The following C2CD3 variants were observed in gnomAD, a reference collection of about 807,000 sequenced individuals.
The protein encoded by C2CD3 is C2 domain-containing protein 3.
C2CD3 carries 148 observed loss-of-function variants against 234.0 expected under a neutral mutation model. That is an observed-to-expected ratio of 0.63 (90% CI 0.55 to 0.72). The LOEUF (loss-of-function observed/expected upper bound fraction) is 0.72, where lower values mean the gene tolerates loss of function less well. C2CD3 is among the 30% of genes least tolerant of loss of function. The pLI, the probability that C2CD3 is intolerant of heterozygous loss-of-function variation, is 0.00. For missense variants in C2CD3, 2,577 were observed against 2,811.5 expected (o/e 0.92, Z 1.89); for synonymous variants, 1,000 against 1,035.4 (o/e 0.97, Z 0.66).
chr11:74,161,535 T>C lies in C2CD3; in HGVS notation c.347A>G (p.Glu116Gly), dbSNP rs1384237300. 2 of 1,585,716 alleles carry C rather than the reference T, an allele frequency of 1.3e-6. No homozygotes were observed. The highest frequency in any genetic ancestry group is 1.7e-6 in the Non-Finnish European group (2 of 1,168,184). Residue 116 changes from glutamate to glycine, a missense_variant, in exon 3 of 33, where the codon GAA becomes GGA. Coordinates refer to ENST00000334126, the MANE Select transcript of C2CD3 (RefSeq NM_001286577.2). The stretch of plus-strand genomic sequence containing the variant: ...AAGACCATCAAGTTTGGTGATTACT[T>C]CCAGCACCAGCACAGCCATATCTAA... ...YLTDMAVLVL[E>G]VITKLDGLPI...
intron 24 of C2CD3, among the ~76,000 whole-genome samples, chr11:74,068,481 T>G (rs939586031): frequency 1.3e-5 from 2 of 152,136 alleles, no homozygotes; most frequent in South Asian, 4.1e-4. Context: ...TGCCCAGGGT[T>G]AGAGAGAGGA....
intron 28 of C2CD3, among the ~76,000 whole-genome samples, chr11:74,047,573 T>A (rs983178775): frequency 6.6e-6 from 1 of 152,234 alleles, no homozygotes; most frequent in African/African-American, 2.4e-5. Context: ...ATGATATTAG[T>A]GTCTTCTTGG....
At position 74,032,414 on chromosome 11, in the gene C2CD3, G is replaced by A. The variant is rs1022949467; in HGVS notation, c.6809+937C>T. ...GGCTACAGGTGTGAAGGCTGTAGAT[G>A]GTCCTAAGTGGTTTCCTTTCCCCAT... is the stretch of plus-strand genomic sequence containing the variant. On this transcript the variant is annotated intron_variant, in intron 31 of 32. Transcript: ENST00000334126. Among the ~76,000 whole-genome samples the A allele has an allele frequency of 5.3e-5, 8 of 152,148 alleles. No homozygotes were observed. In the East Asian group the frequency reaches 1.2e-3, roughly 22 times the overall value.
At position 74,150,264 on chromosome 11, in the gene C2CD3, G is replaced by A. The variant is rs537140737; in HGVS notation, c.484-10436C>T. Among the ~76,000 whole-genome samples the A allele has an allele frequency of 1.3e-4, 19 of 151,360 alleles. No homozygotes were observed. The East Asian group carries it at 3.3e-3, about 26-fold the overall frequency. On this transcript the variant is annotated intron_variant, in intron 3 of 32. Transcript: ENST00000334126. Reference sequence around the variant, plus strand: ...AGGCGAGGCAGGTGGATCACTTCAAGCCAGGAGTTTGAAACCAGCCTGGCC... The same window carrying A: ...AGGCGAGGCAGGTGGATCACTTCAAACCAGGAGTTTGAAACCAGCCTGGCC...
Position 74,074,224 on chromosome 11 carries a change from A to G in C2CD3, c.4951+29T>C, listed in dbSNP as rs1003467619. Reference sequence around the variant, plus strand: ...AGGAGCACACCCTGAAGAGTTAGACATGCTCCTGGGTAGGTGAGGAGAGCA... The same window carrying G: ...AGGAGCACACCCTGAAGAGTTAGACGTGCTCCTGGGTAGGTGAGGAGAGCA... On this transcript the variant is annotated intron_variant, in intron 24 of 32. Transcript: ENST00000334126. 1.7e-5 allele frequency: 26 copies of G among 1,503,202 alleles called. No homozygotes were observed. In the East Asian group the frequency reaches 5.9e-4, roughly 34 times the overall value. The allele number at this position is 1,503,202 out of a possible 1,614,324, so 93.1% of individuals were successfully genotyped here.
intron 2 of C2CD3, chr11:74,164,674 T>C (rs1358777168): frequency 1.3e-5 from 2 of 152,220 alleles, no homozygotes; most frequent in African/African-American, 2.4e-5. Context: ...CAAAAAGTTA[T>C]GAAGATTTAA....
chr11:74,084,252 T>C (rs1565273019), intron 22 of C2CD3, among the ~76,000 whole-genome samples: 1 of 151,864 alleles, frequency 6.6e-6, no homozygotes, highest in Non-Finnish European at 1.5e-5. Context: ...ATGAGAACAC[T>C]TGGACACACG....
At chr11:74,116,836 A>ATATATACACGTGTATGTG (rs1956951137) in intron 9 of C2CD3, among the ~76,000 whole-genome samples, 2 of 143,764 alleles carry the variant, frequency 1.4e-5, no homozygotes, top group African/African-American at 5.1e-5. Flanking sequence ...ACGTGTGTGT[A>ATATATACACGTGTATGTG]TATATACACG....
At chr11:74,103,080 T>C (rs769096146) in intron 14 of C2CD3, 51 bp downstream of exon 14, 1 of 1,512,396 alleles carries the variant, frequency 6.6e-7, no homozygotes, top group Admixed American at 2.1e-5. Context: ...TGGGAGGCAT[T>C]TGTCTCTCAC....
intron 7 of C2CD3, among the ~76,000 whole-genome samples, chr11:74,130,375 G>A (rs1957624330): frequency 6.6e-6 from 1 of 152,066 alleles, no homozygotes; most frequent in South Asian, 2.1e-4. Context: ...ACAGTCATAT[G>A]CCACCATACC....
rs907829026 is a variant in C2CD3 at position 74,049,248 on chromosome 11, T to C, written c.5361+89A>G. The C allele has an allele frequency of 5.5e-6, 6 of 1,087,196 alleles. No individual in the cohort carries two copies. In the African/African-American group the frequency reaches 9.3e-5, roughly 17 times the overall value. 67.3% of individuals were successfully genotyped at this position (1,087,196 alleles called of 1,614,324 possible). On this transcript the variant is annotated intron_variant, in intron 27 of 32. Coordinates refer to ENST00000334126, the MANE Select transcript of C2CD3 (RefSeq NM_001286577.2). ...CACATATAGTATATAACGTATTCTA[T>C]AAGCCGGAGAGTGCCAAACATGAGT...
chr11:74,020,726 T>C (rs1436988901), intron 32 of C2CD3, among the ~76,000 whole-genome samples: 1 of 152,188 alleles, frequency 6.6e-6, no homozygotes, highest in Non-Finnish European at 1.5e-5. Context: ...GCTTTGCACA[T>C]TTGTTAAAAG....
chr11:74,116,844 ACG>A (rs1491294469), intron 9 of C2CD3, among the ~76,000 whole-genome samples: 8 of 142,284 alleles, frequency 5.6e-5, no homozygotes, highest in African/African-American at 2.1e-4. Flanking sequence ...GTATATATAC[ACG>A]TGTATATGTG....
chr11:74,077,134 C>G (rs1389442433), intron 23 of C2CD3, among the ~76,000 whole-genome samples: 2 of 151,822 alleles, frequency 1.3e-5, no homozygotes, highest in Non-Finnish European at 2.9e-5. Context: ...TTTATGGTTC[C>G]AAGATGTGGT....
At chr11:74,110,676 G>GA (rs1026560904) in intron 11 of C2CD3, 1 of 152,178 alleles carries the variant, frequency 6.6e-6, no homozygotes, top group African/African-American at 2.4e-5. Flanking sequence ...GTATGTTCTT[G>GA]CACTGTTACT....
At chr11:74,043,745 T>A (rs1028579416) in intron 28 of C2CD3, among the ~76,000 whole-genome samples, 3 of 152,210 alleles carry the variant, frequency 2.0e-5, no homozygotes, top group Admixed American at 2.0e-4. Flanking sequence ...CATTTGTATA[T>A]CTTTTTTTGA....
chr11:74,035,199 T>C (rs1952679259), intron 30 of C2CD3, among the ~76,000 whole-genome samples: 1 of 152,210 alleles, frequency 6.6e-6, no homozygotes, highest in Non-Finnish European at 1.5e-5. Flanking sequence ...TATTATACAC[T>C]GATGATTTTC....
Position 74,034,195 on chromosome 11 carries a change from G to A in C2CD3, c.5965C>T (p.Pro1989Ser), listed in dbSNP as rs1952629252. 1 of 1,536,184 alleles carries A rather than the reference G, an allele frequency of 6.5e-7. No individual in the cohort carries two copies. Among genetic ancestry groups the A allele is most frequent in the Non-Finnish European group, 8.7e-7 (1 of 1,146,908 alleles). ...RSRSNKATTL[P>S]DAQDTEALQE... is the part of the protein sequence containing the mutation. ...AGTGCTTCTGTGTCCTGAGCATCTG[G>A]GAGGGTGGTGGCCTTGTTGCTTCTA... The change falls in exon 31 of 33, where the codon CCA (proline) becomes TCA (serine). Residue 1989 changes from proline (P) to serine (S), a missense_variant. Pro to Ser is a moderately conservative substitution (Grantham distance 74, BLOSUM62 -1). Transcript: ENST00000334126.
chr11:74,134,039 C>T (rs1467702061), intron 5 of C2CD3, among the ~76,000 whole-genome samples: 1 of 152,102 alleles, frequency 6.6e-6, no homozygotes, highest in African/African-American at 2.4e-5. Flanking sequence ...TACCCCATCC[C>T]TTAAGGGGTC....
Sources: gnomAD v4.1 joint callset for allele counts (sites outside exome capture counted in the v4.1 genomes callset) on GRCh38, gnomAD v4.1.1 for gene constraint, MANE v1.5 for transcripts, NCBI Gene and HGNC (gene_info 2026-07-23, HGNC 2026-07-21) for gene names.